Variants in MAST4 observed in about 807,000 individuals in gnomAD.
MAST4 encodes microtubule associated serine/threonine kinase family member 4, also known as microtubule-associated serine/threonine-protein kinase 4.
MAST4 carries 89 observed loss-of-function variants against 162.7 expected under a neutral mutation model. The observed-to-expected ratio is 0.55, with a 90% confidence interval of 0.46 to 0.65. The LOEUF is 0.65. Among genes scored for constraint, MAST4 ranks in the 30% least tolerant of loss-of-function variants. The pLI, the probability that MAST4 is intolerant of heterozygous loss-of-function variation, is 0.00. For missense variants in MAST4, 3,153 were observed against 3,374.0 expected (o/e 0.93, Z 1.62); for synonymous variants, 1,479 against 1,361.1 (o/e 1.09, Z -1.91).
chr5:66,950,461 C>T (rs1399009613), intron 4 of MAST4, among the ~76,000 whole-genome samples: 1 of 152,074 alleles, frequency 6.6e-6, no homozygotes, highest in Non-Finnish European at 1.5e-5. Context: ...AGCCATTCCA[C>T]TTTGTCTCTA....
intron 4 of MAST4, chr5:66,917,301 T>G (rs1396816670): frequency 5.5e-6 from 2 of 363,234 alleles, no homozygotes; most frequent in Non-Finnish European, 1.0e-5. Context: ...AGTGTTTTTC[T>G]TTTTCAGTTT....
chr5:66,819,198 G>A (rs1756873503), intron 3 of MAST4, among the ~76,000 whole-genome samples: 3 of 152,110 alleles, frequency 2.0e-5, no homozygotes, highest in Admixed American at 2.0e-4. Flanking sequence ...CCAAATGCAG[G>A]GACTGGTGGA....
At chr5:66,957,970 C>T (rs961457843) in intron 4 of MAST4, among the ~76,000 whole-genome samples, 3 of 152,196 alleles carry the variant, frequency 2.0e-5, no homozygotes, top group Non-Finnish European at 4.4e-5. Flanking sequence ...AATTTACAGA[C>T]CAGGATCTAA....
intron 1 of MAST4, among the ~76,000 whole-genome samples, chr5:66,696,417 G>A (rs190088721): frequency 2.0e-4 from 31 of 151,250 alleles, no homozygotes; most frequent in African/African-American, 6.5e-4. Flanking sequence ...CACCTCCTAC[G>A]GGTTTTAGTA....
intron 1 of MAST4, among the ~76,000 whole-genome samples, chr5:66,750,455 G>A (rs1200137895): frequency 6.6e-5 from 10 of 152,266 alleles, no homozygotes; most frequent in Admixed American, 2.0e-4. Flanking sequence ...TGTGCGAGCC[G>A]AAGCAGGGCG....
intron 1 of MAST4, among the ~76,000 whole-genome samples, chr5:66,730,110 C>T (rs1751751284): frequency 6.6e-6 from 1 of 152,292 alleles, no homozygotes; most frequent in African/African-American, 2.4e-5. Flanking sequence ...AGGATGCCTA[C>T]ATGGGCTTGA....
chr5:66,835,361 G>A (rs1757892082), intron 3 of MAST4, among the ~76,000 whole-genome samples: 1 of 152,084 alleles, frequency 6.6e-6, no homozygotes, highest in South Asian at 2.1e-4. Context: ...GTCCAGACCT[G>A]AGTTTCATGC....
In MAST4 at chr5:67,104,699, A is replaced by C. The variant is rs1765401395; in HGVS notation, c.1356+124A>C. The C allele has an allele frequency of 1.8e-5, 10 of 565,910 alleles. No individual in the cohort carries two copies. In the South Asian group the frequency reaches 2.1e-4, roughly 12 times the overall value. 35.1% of individuals were successfully genotyped at this position (565,910 alleles called of 1,614,324 possible). A position where few individuals can be genotyped will look rare whatever the true frequency, so the allele number is the denominator to read the frequency against. On this transcript the variant is annotated intron_variant, in intron 10 of 28. Coordinates refer to ENST00000403625, the MANE Select transcript of MAST4 (RefSeq NM_001164664.2). ...ATTCCAGAGAAGCAAAAAAGAAGGA[A>C]AAAAAAAAAAAAACTCACCTGATTG...
chr5:66,621,931 G>A (rs1389862250), intron 1 of MAST4, among the ~76,000 whole-genome samples: 1 of 152,112 alleles, frequency 6.6e-6, no homozygotes, highest in East Asian at 1.9e-4. Flanking sequence ...ACTCAACTCT[G>A]CCACTGTAGT....
At chr5:66,804,272 G>T (rs1002686806) in intron 3 of MAST4, among the ~76,000 whole-genome samples, 2 of 150,212 alleles carry the variant, frequency 1.3e-5, no homozygotes, top group African/African-American at 2.5e-5. Flanking sequence ...AGTATAATAG[G>T]GCTGCATAAT....
chr5:66,794,354 A>G (rs1755551290), intron 3 of MAST4, among the ~76,000 whole-genome samples: 1 of 152,188 alleles, frequency 6.6e-6, no homozygotes, highest in Admixed American at 6.5e-5. Flanking sequence ...AGTGGGGCTA[A>G]TGGTTGTAAT....
At chr5:66,787,321 A>G (rs1395012594) in intron 2 of MAST4, among the ~76,000 whole-genome samples, 1 of 152,182 alleles carries the variant, frequency 6.6e-6, no homozygotes, top group East Asian at 1.9e-4. Flanking sequence ...AGAAGATCTA[A>G]TTTTTCTCCA....
At chr5:67,077,277 G>C (rs1761770584) in intron 5 of MAST4, among the ~76,000 whole-genome samples, 1 of 151,776 alleles carries the variant, frequency 6.6e-6, no homozygotes, top group Admixed American at 6.6e-5. Context: ...AAAAATGACT[G>C]ATGATTGCCC....
intron 4 of MAST4, among the ~76,000 whole-genome samples, chr5:66,932,443 T>C (rs1742284256): frequency 6.6e-6 from 1 of 152,178 alleles, no homozygotes; most frequent in African/African-American, 2.4e-5. Flanking sequence ...ACCCCACAGG[T>C]TGTATATTTC....
chr5:67,083,247 G>A (rs1421854800), intron 5 of MAST4, among the ~76,000 whole-genome samples: 2 of 152,154 alleles, frequency 1.3e-5, no homozygotes, highest in Non-Finnish European at 2.9e-5. Flanking sequence ...ATTGAAAAAT[G>A]ATTAACTTAA....
rs145235141 is a variant in MAST4 at position 66,629,620 on chromosome 5, T to C, written c.363+32602T>C. The stretch of plus-strand genomic sequence containing the variant: ...TGCTGTCTGCCTGTCTCCCATTCCG[T>C]TGGTATAAATCAAAATGTGGTGGAA... On this transcript the variant is annotated intron_variant, in intron 1 of 28. Coordinates refer to ENST00000403625, the MANE Select transcript of MAST4 (RefSeq NM_001164664.2). Among the ~76,000 whole-genome samples the C allele has an allele frequency of 3.4e-3, 523 of 152,266 alleles. 5 individuals are homozygous for C. Among genetic ancestry groups the C allele is most frequent in the African/African-American group, 0.012 (499 of 41,540 alleles).
Position 67,163,717 on chromosome 5 carries a change from C to T in MAST4, c.4538C>T (p.Pro1513Leu), listed in dbSNP as rs757110682. 35 of 1,608,480 alleles carry T rather than the reference C, an allele frequency of 2.2e-5. No homozygotes were observed. The Admixed American group carries it at 5.6e-4, about 26-fold the overall frequency. ...GTGGAGCAAGGCTGCCTGAAACGCC[C>T]AGTCTCCCGGAAGGTGGGCCGCCAG... The part of the protein sequence containing the change: ...RPVEQGCLKR[P>L]VSRKVGRQES... The change falls in exon 29 of 29, where the codon CCA becomes CTA. Residue 1513 changes from proline (P) to leucine (L), a missense_variant. Transcript: ENST00000403625. This position sits in a 1 kb window ranked among gnomAD's most constrained non-coding sequence, Gnocchi z 7.0.
At chr5:66,852,223 C>T (rs114061867) in intron 3 of MAST4, among the ~76,000 whole-genome samples, 2,536 of 152,300 alleles carry the variant, frequency 0.017, 44 homozygotes, top group South Asian at 0.024. Context: ...TCATGACTTA[C>T]TGCAGCCTCA....
At chr5:66,976,021 C>T (rs1009195853) in intron 4 of MAST4, among the ~76,000 whole-genome samples, 4 of 152,090 alleles carry the variant, frequency 2.6e-5, no homozygotes, top group Non-Finnish European at 5.9e-5. Context: ...TTTAACTTTC[C>T]AGGTGTTGGA....
Sources: allele counts gnomAD v4.1 joint callset (sites outside exome capture counted in the v4.1 genomes callset), GRCh38; gene constraint gnomAD v4.1.1; non-coding constraint Gnocchi (gnomAD v3.1); transcripts MANE v1.5; gene names NCBI Gene and HGNC (gene_info 2026-07-23, HGNC 2026-07-21).